Variants in ABTB2 observed in about 807,000 individuals in gnomAD.
ABTB2 encodes the protein ankyrin repeat and BTB/POZ domain-containing protein 2.
Under a neutral mutation model 104.1 loss-of-function variants are expected in ABTB2, and 56 were observed. The ratio of observed to expected loss-of-function variants is 0.54; its 90% CI spans 0.43 to 0.67. ABTB2 has a LOEUF of 0.67. Among genes scored for constraint, ABTB2 ranks in the 30% least tolerant of loss-of-function variants. ABTB2 has a pLI of 0.00. For missense variants in ABTB2, 1,279 were observed against 1,407.7 expected, an observed-to-expected ratio of 0.91 and a Z score of 1.46; for synonymous variants, 606 against 608.2, an observed-to-expected ratio of 1.00 and a Z score of 0.05.
chr11:34,303,408 A>C (rs1854731423), intron 1 of ABTB2, among the ~76,000 whole-genome samples: 1 of 152,188 alleles, frequency 6.6e-6, no homozygotes, highest in South Asian at 2.1e-4. Flanking sequence ...GCTTTCCCAC[A>C]TCTAAGGCAC....
intron 1 of ABTB2, among the ~76,000 whole-genome samples, chr11:34,262,735 A>C (rs903828411): frequency 1.3e-5 from 2 of 152,178 alleles, no homozygotes; most frequent in African/African-American, 4.8e-5. Context: ...CAGTGACAAT[A>C]ATGCAATACT....
At chr11:34,294,769 G>A (rs536606391) in intron 1 of ABTB2, among the ~76,000 whole-genome samples, 33 of 127,374 alleles carry the variant, frequency 2.6e-4, no homozygotes, top group Admixed American at 1.8e-3. Context: ...AGGCTGGAAT[G>A]CAGTGGTGCG....
chr11:34,234,959 G>A (rs989912376), intron 1 of ABTB2, among the ~76,000 whole-genome samples: 1 of 152,158 alleles, frequency 6.6e-6, no homozygotes, highest in African/African-American at 2.4e-5. Context: ...CTGGGTTCAC[G>A]CCATTCTCCT....
At chr11:34,272,015 T>A (rs1397077298) in intron 1 of ABTB2, among the ~76,000 whole-genome samples, 1 of 152,138 alleles carries the variant, frequency 6.6e-6, no homozygotes, top group Non-Finnish European at 1.5e-5. Flanking sequence ...TTTTTCTGAT[T>A]TGATGTTTAT....
At chr11:34,156,906 C>T (rs1383694543) in intron 14 of ABTB2, among the ~76,000 whole-genome samples, 1 of 152,136 alleles carries the variant, frequency 6.6e-6, no homozygotes, top group Non-Finnish European at 1.5e-5. Context: ...ATCAATTTCA[C>T]CTGCTCTTTA....
At position 34,219,382 on chromosome 11, in the gene ABTB2, A is replaced by C. The variant is rs116101582; in HGVS notation, c.884-14692T>G. ...CAACATGGCAAGACCCTGTCTCTACAAAAGATTTAAAAATTAGCCAGGCAT... is the reference window on the plus strand; with the variant it reads ...CAACATGGCAAGACCCTGTCTCTACCAAAGATTTAAAAATTAGCCAGGCAT... On this transcript the variant is annotated intron_variant, in intron 1 of 16. Coordinates refer to ENST00000435224, the MANE Select transcript of ABTB2 (RefSeq NM_145804.3). Among the ~76,000 whole-genome samples, 568 of 151,958 alleles carry C rather than the reference A, an allele frequency of 3.7e-3. 6 individuals carry two copies. Among genetic ancestry groups the C allele is most frequent in the African/African-American group, 0.013 (543 of 41,442 alleles).
intron 1 of ABTB2, among the ~76,000 whole-genome samples, chr11:34,309,659 TAA>T (rs35147356): frequency 8.7e-5 from 13 of 149,782 alleles, no homozygotes; most frequent in Non-Finnish European, 1.3e-4. Context: ...GTTATGAAGT[TAA>T]AAAAAAAAAT....
intron 1 of ABTB2, among the ~76,000 whole-genome samples, chr11:34,346,898 C>T (rs1254652828): frequency 6.6e-6 from 1 of 152,268 alleles, no homozygotes; most frequent in East Asian, 1.9e-4. Flanking sequence ...AATAGCTCTC[C>T]TCACAGCAAA....
chr11:34,335,867 G>A (rs1210990142), intron 1 of ABTB2: 9 of 1,071,212 alleles, frequency 8.4e-6, no homozygotes, highest in Middle Eastern at 2.2e-4. Context: ...TCTGGAGGTA[G>A]AGCGGCCACA....
intron 1 of ABTB2, among the ~76,000 whole-genome samples, chr11:34,338,950 A>G (rs1855228794): frequency 6.6e-6 from 1 of 152,202 alleles, no homozygotes; most frequent in East Asian, 1.9e-4. Context: ...ATCGTCTTGA[A>G]ATCAGCAACA....
In ABTB2 at chr11:34,167,954, G is replaced by A. The variant is rs115626153; in HGVS notation, c.1602C>T (p.Asp534=). 1.9e-3 allele frequency: 3,002 copies of A among 1,614,188 alleles called. 14 individuals are homozygous for A. The highest frequency in any genetic ancestry group is 1.3e-3 in the Non-Finnish European group (1,578 of 1,180,048). The change falls in exon 6 of 17, where the codon GAC becomes GAT. Residue 534 remains aspartate, a synonymous_variant. Transcript: ENST00000435224. Reference sequence around the variant, plus strand: ...CAATCAACATCTGGACCATCGCTTCGTCCCCAGCAGCGCAGGCGTACATCA... The same window carrying A: ...CAATCAACATCTGGACCATCGCTTCATCCCCAGCAGCGCAGGCGTACATCA... ...TPLMYACAAG[D]EAMVQMLIDA... is the part of the protein sequence containing the mutation.
chr11:34,245,949 CAGCAGGGGAG>C (rs1853978609), intron 1 of ABTB2, among the ~76,000 whole-genome samples: 1 of 152,218 alleles, frequency 6.6e-6, no homozygotes, highest in African/African-American at 2.4e-5. Flanking sequence ...ACATGGGCCC[CAGCAGGGGAG>C]AGAGGCCCTC....
intron 3 of ABTB2, among the ~76,000 whole-genome samples, chr11:34,181,474 C>G (rs553219209): frequency 6.6e-6 from 1 of 152,298 alleles, no homozygotes; most frequent in East Asian, 1.9e-4. Context: ...ACCCGGGCCC[C>G]AAGCACAAGC....
chr11:34,344,387 A>G (rs941925784), intron 1 of ABTB2, among the ~76,000 whole-genome samples: 3 of 152,212 alleles, frequency 2.0e-5, no homozygotes, highest in Non-Finnish European at 4.4e-5. Context: ...CTGAGTCTCT[A>G]TGCAGCCCTG....
At chr11:34,192,004 G>A (rs1853181648) in intron 3 of ABTB2, among the ~76,000 whole-genome samples, 1 of 152,202 alleles carries the variant, frequency 6.6e-6, no homozygotes, top group South Asian at 2.1e-4. Context: ...CTAAAAGTAT[G>A]TAGTGAGCAG....
chr11:34,226,299 C>T (rs1853686371), intron 1 of ABTB2, among the ~76,000 whole-genome samples: 1 of 151,740 alleles, frequency 6.6e-6, no homozygotes, highest in African/African-American at 2.4e-5. Context: ...TGGGCCACCA[C>T]TGCCCTTCCT....
chr11:34,202,736 A>T (rs2957502), intron 2 of ABTB2, among the ~76,000 whole-genome samples: 32,881 of 152,092 alleles, frequency 0.22, 3,926 homozygotes, highest in South Asian at 0.31. Flanking sequence ...GCTACTAGGG[A>T]GGTAAAGGCA....
At chr11:34,182,497 T>TGGGGGGG (rs1157886289) in intron 3 of ABTB2, among the ~76,000 whole-genome samples, 2 of 69,896 alleles carry the variant, frequency 2.9e-5, no homozygotes, top group African/African-American at 8.6e-5. Flanking sequence ...TTGGGTTCTC[T>TGGGGGGG]GGGGGGGGGG....
At chr11:34,184,493 G>A (rs1853070033) in intron 3 of ABTB2, among the ~76,000 whole-genome samples, 1 of 152,194 alleles carries the variant, frequency 6.6e-6, no homozygotes, top group Non-Finnish European at 1.5e-5. Flanking sequence ...TAGGAATCAG[G>A]CCTGGTTCCA....
Sources: gnomAD v4.1 joint callset for allele counts (sites outside exome capture counted in the v4.1 genomes callset) on GRCh38, gnomAD v4.1.1 for gene constraint, MANE v1.5 for transcripts, NCBI Gene and HGNC (gene_info 2026-07-23, HGNC 2026-07-21) for gene names.